CMTM7: variants seen among roughly 807,000 people sequenced by gnomAD.
The protein encoded by CMTM7 is CKLF-like MARVEL transmembrane domain-containing protein 7.
In CMTM7, 7 loss-of-function variants were observed where a neutral mutation model predicts 19.3. That is an observed-to-expected ratio of 0.36 (90% confidence interval 0.21 to 0.68). CMTM7 has a LOEUF of 0.68. Ranked by LOEUF, CMTM7 falls within the 30% of genes least tolerant of loss-of-function variation. The pLI is 0.60. For synonymous variants in CMTM7, 87 were observed against 99.3 expected (o/e 0.88, Z 0.74); for missense variants, 193 against 232.6 (o/e 0.83, Z 1.11).
intron 1 of CMTM7, among the ~76,000 whole-genome samples, chr3:32,431,481 A>G (rs1696517989): frequency 1.3e-5 from 2 of 152,080 alleles, no homozygotes; most frequent in Non-Finnish European, 2.9e-5. Context: ...TTGGAGTCCC[A>G]GAGCCCTGCT....
chr3:32,454,733 G>A lies in CMTM7; in HGVS notation c.*479G>A, dbSNP rs1430324555. The A allele has an allele frequency of 3.1e-6, 1 of 324,362 alleles. No individual in the cohort carries two copies. Among genetic ancestry groups the A allele is most frequent in the Non-Finnish European group, 6.1e-6 (1 of 162,752 alleles). The allele number at this position is 324,362 out of a possible 1,614,324, so 20.1% of individuals were successfully genotyped here. A position where few individuals can be genotyped will look rare whatever the true frequency, so the allele number is the denominator to read the frequency against. On this transcript the variant is annotated 3_prime_UTR_variant, in exon 5 of 5. Transcript: ENST00000334983. ...TGAGGCGTGCCTGTAGAAACACTAT[G>A]TGGTCAGCCTGTCCCCAAGGAGATC...
chr3:32,429,980 G>C (rs1198020017), intron 1 of CMTM7, among the ~76,000 whole-genome samples: 2 of 152,192 alleles, frequency 1.3e-5, no homozygotes, highest in Non-Finnish European at 2.9e-5. Context: ...GTGAACACTT[G>C]TGTACCTGTC....
At chr3:32,437,672 C>G (rs990518295) in intron 1 of CMTM7, among the ~76,000 whole-genome samples, 1 of 152,046 alleles carries the variant, frequency 6.6e-6, no homozygotes, top group Non-Finnish European at 1.5e-5. Context: ...GCATGCAGAT[C>G]GCAAGGTCAG....
chr3:32,443,848 A>C (rs72858827), intron 2 of CMTM7, among the ~76,000 whole-genome samples: 1 of 152,128 alleles, frequency 6.6e-6, no homozygotes, highest in Non-Finnish European at 1.5e-5. Context: ...GCTTTTGGCC[A>C]TTTGTATATT....
intron 1 of CMTM7, among the ~76,000 whole-genome samples, chr3:32,403,848 A>C (rs1326744618): frequency 2.0e-5 from 3 of 152,080 alleles, no homozygotes; most frequent in Non-Finnish European, 4.4e-5. Flanking sequence ...GCAGATCTAG[A>C]AGGAGGTGCT....
At chr3:32,405,144 C>T (rs1696071348) in intron 1 of CMTM7, among the ~76,000 whole-genome samples, 1 of 152,290 alleles carries the variant, frequency 6.6e-6, no homozygotes, top group South Asian at 2.1e-4. Flanking sequence ...GGAAGAGGAC[C>T]CCAAGCCTGG....
At chr3:32,393,772 C>CA (rs34745605) in intron 1 of CMTM7, among the ~76,000 whole-genome samples, 35,190 of 92,168 alleles carry the variant, frequency 0.38, 6,052 homozygotes, top group South Asian at 0.46. Context: ...AGGCCTGTCT[C>CA]AAAAAAAAAA....
chr3:32,418,523 C>T (rs1007866010), intron 1 of CMTM7, among the ~76,000 whole-genome samples: 20 of 152,078 alleles, frequency 1.3e-4, no homozygotes, highest in African/African-American at 4.3e-4. Context: ...TTCTTCCAGA[C>T]GTTTTACAGT....
intron 3 of CMTM7, chr3:32,451,813 C>G (rs112180262): frequency 3.0e-6 from 1 of 328,486 alleles, no homozygotes; most frequent in Non-Finnish European, 5.9e-6. Flanking sequence ...CACACTTGAG[C>G]GCTGGATGAC....
chr3:32,443,374 G>A (rs369423070), intron 2 of CMTM7, among the ~76,000 whole-genome samples: 1 of 152,204 alleles, frequency 6.6e-6, no homozygotes. Flanking sequence ...AAAGTGCTGG[G>A]ATTACAGACA....
chr3:32,433,576 G>A (rs1048973373), intron 1 of CMTM7, among the ~76,000 whole-genome samples: 1 of 152,158 alleles, frequency 6.6e-6, no homozygotes, highest in Non-Finnish European at 1.5e-5. Context: ...GCCTCCAAAA[G>A]TCACCTCTTC....
intron 1 of CMTM7, among the ~76,000 whole-genome samples, chr3:32,392,437 G>A (rs554180600): frequency 6.6e-6 from 1 of 152,244 alleles, no homozygotes; most frequent in South Asian, 2.1e-4. Context: ...CCCGAGCCGG[G>A]GGTGGAAGAG....
intron 1 of CMTM7, among the ~76,000 whole-genome samples, chr3:32,402,964 C>T (rs982382370): frequency 2.0e-4 from 31 of 152,094 alleles, no homozygotes; most frequent in African/African-American, 5.6e-4. Flanking sequence ...TGAAGTGGAG[C>T]CTTCTGGAAA....
chr3:32,410,604 G>A (rs1696157411), intron 1 of CMTM7, among the ~76,000 whole-genome samples: 1 of 151,558 alleles, frequency 6.6e-6, no homozygotes, highest in Non-Finnish European at 1.5e-5. Context: ...AAGCCTGCGG[G>A]CCAAGAAGCT....
chr3:32,399,010 C>T (rs1303645012), intron 1 of CMTM7, among the ~76,000 whole-genome samples: 3 of 152,060 alleles, frequency 2.0e-5, no homozygotes, highest in Non-Finnish European at 2.9e-5. Context: ...AGAAAGAGCA[C>T]GGACCCTGGC....
intron 1 of CMTM7, among the ~76,000 whole-genome samples, chr3:32,423,932 C>G (rs1267919881): frequency 6.6e-6 from 1 of 152,202 alleles, no homozygotes; most frequent in Non-Finnish European, 1.5e-5. Flanking sequence ...AAACCCAGAA[C>G]AGTGCATATG....
intron 1 of CMTM7, among the ~76,000 whole-genome samples, chr3:32,416,325 A>T (rs1472929906): frequency 7.1e-6 from 1 of 141,548 alleles, no homozygotes; most frequent in Non-Finnish European, 1.5e-5. Flanking sequence ...CCTCCTGAGT[A>T]GCTGGGATTA....
chr3:32,414,118 G>A (rs981203008), intron 1 of CMTM7, among the ~76,000 whole-genome samples: 1 of 152,064 alleles, frequency 6.6e-6, no homozygotes, highest in Non-Finnish European at 1.5e-5. Flanking sequence ...CCTCCACCTG[G>A]TCCTGTCTTG....
intron 1 of CMTM7, among the ~76,000 whole-genome samples, chr3:32,421,670 G>T (rs990675862): frequency 6.6e-6 from 1 of 152,320 alleles, no homozygotes; most frequent in East Asian, 1.9e-4. Flanking sequence ...GACAGGGTCC[G>T]TGTCTAAGCT....
Sources: gnomAD v4.1 joint callset for allele counts (sites outside exome capture counted in the v4.1 genomes callset) on GRCh38, gnomAD v4.1.1 for gene constraint, MANE v1.5 for transcripts, NCBI Gene and HGNC (gene_info 2026-07-23, HGNC 2026-07-21) for gene names.